The following CCSER1 variants were observed in gnomAD, a reference collection of about 807,000 sequenced individuals.
CCSER1 encodes serine-rich coiled-coil domain-containing protein 1.
CCSER1 carries 41 observed loss-of-function variants against 82.0 expected under a neutral mutation model. That is an observed-to-expected ratio of 0.50 (90% CI 0.39 to 0.65). The LOEUF is 0.65. CCSER1 is among the 30% of genes least tolerant of loss of function. The probability of loss-of-function intolerance (pLI) is 0.00; values close to 1 mark genes in which losing one functional copy is unlikely to be tolerated. For synonymous variants in CCSER1, 414 were observed against 383.9 expected (o/e 1.08, Z -0.92); for missense variants, 1,119 against 1,064.2 (o/e 1.05, Z -0.72).
At chr4:91,425,822 T>C (rs906344804) in intron 10 of CCSER1, among the ~76,000 whole-genome samples, 6 of 152,230 alleles carry the variant, frequency 3.9e-5, no homozygotes, top group Admixed American at 6.5e-5. Flanking sequence ...ATTATGTTTA[T>C]AGTTAACAAC....
chr4:90,634,842 T>C lies in CCSER1; in HGVS notation c.1932+6610T>C, dbSNP rs180763127. On this transcript the variant is annotated intron_variant, in intron 6 of 10. Coordinates refer to ENST00000509176, the MANE Select transcript of CCSER1 (RefSeq NM_001145065.2). ...GCTACCTTCTTTATGTTTATTTATT[T>C]ATTTTTGCTGGTCCAGAAATATGTT... 1.2e-4 allele frequency among the ~76,000 whole-genome samples: 18 copies of C among 152,004 alleles called. No individual in the cohort carries two copies. In the East Asian group the frequency reaches 1.7e-3, roughly 15 times the overall value.
intron 6 of CCSER1, among the ~76,000 whole-genome samples, chr4:90,715,903 T>C (rs1741551299): frequency 6.6e-6 from 1 of 151,956 alleles, no homozygotes; most frequent in Non-Finnish European, 1.5e-5. Flanking sequence ...TCACTTCAGC[T>C]CTGTTTGTAA....
At chr4:90,196,845 C>A (rs1736721397) in intron 1 of CCSER1, among the ~76,000 whole-genome samples, 1 of 152,048 alleles carries the variant, frequency 6.6e-6, no homozygotes, top group African/African-American at 2.4e-5. Flanking sequence ...TTGCTACTCT[C>A]CCGAACAGAT....
chr4:91,196,255 A>G (rs1482379852), intron 10 of CCSER1, among the ~76,000 whole-genome samples: 2 of 152,150 alleles, frequency 1.3e-5, no homozygotes, highest in Non-Finnish European at 2.9e-5. Context: ...TTCTAGCCCA[A>G]GAAGGTCAAT....
chr4:90,331,981 C>T (rs1384592900), intron 3 of CCSER1, among the ~76,000 whole-genome samples: 1 of 151,934 alleles, frequency 6.6e-6, no homozygotes, highest in Non-Finnish European at 1.5e-5. Context: ...CCCTCTGTCC[C>T]CTTTTTCTGC....
At chr4:90,405,254 A>G (rs112262197) in intron 4 of CCSER1, among the ~76,000 whole-genome samples, 3,820 of 152,120 alleles carry the variant, frequency 0.025, 49 homozygotes, top group African/African-American at 0.03. Flanking sequence ...CAAGCAGAAG[A>G]AAGAACTTCA....
At chr4:91,451,466 A>G (rs534638676) in intron 10 of CCSER1, among the ~76,000 whole-genome samples, 5 of 152,034 alleles carry the variant, frequency 3.3e-5, no homozygotes, top group African/African-American at 4.8e-5. Context: ...AAAGTCCAGC[A>G]CCCAGACACA....
intron 10 of CCSER1, among the ~76,000 whole-genome samples, chr4:91,386,470 A>T (rs1327840439): frequency 6.6e-6 from 1 of 152,078 alleles, no homozygotes; most frequent in Admixed American, 6.6e-5. Context: ...TTATAGTAGA[A>T]TATCAATTGA....
At chr4:91,578,595 C>T (rs959913970) in intron 10 of CCSER1, among the ~76,000 whole-genome samples, 4 of 151,848 alleles carry the variant, frequency 2.6e-5, no homozygotes, top group Non-Finnish European at 4.4e-5. Context: ...TAGGTTATAA[C>T]ATAAATTTAA....
intron 10 of CCSER1, among the ~76,000 whole-genome samples, chr4:91,480,901 T>G (rs1757870438): frequency 6.6e-6 from 1 of 152,192 alleles, no homozygotes; most frequent in South Asian, 2.1e-4. Context: ...ATTGTTCTAC[T>G]GGGAGTACAT....
At chr4:90,258,820 G>C (rs963452937) in intron 1 of CCSER1, among the ~76,000 whole-genome samples, 1 of 152,208 alleles carries the variant, frequency 6.6e-6, no homozygotes. Flanking sequence ...AGTGTACACT[G>C]TATCAAATAT....
chr4:90,647,626 T>G (rs1284481520), intron 6 of CCSER1, among the ~76,000 whole-genome samples: 1 of 152,110 alleles, frequency 6.6e-6, no homozygotes, highest in African/African-American at 2.4e-5. Context: ...TAAAAACTAT[T>G]TTTGACAATT....
intron 10 of CCSER1, among the ~76,000 whole-genome samples, chr4:91,107,279 G>A (rs1041773089): frequency 6.6e-6 from 1 of 152,110 alleles, no homozygotes; most frequent in African/African-American, 2.4e-5. Context: ...ATTTGAGACA[G>A]AGCCCCGCTC....
chr4:90,706,434 A>T (rs1739359001), intron 6 of CCSER1, among the ~76,000 whole-genome samples: 1 of 152,130 alleles, frequency 6.6e-6, no homozygotes. Flanking sequence ...TGACAGTGAG[A>T]CCCTGTCTCT....
At chr4:90,673,708 A>T (rs1733245131) in intron 6 of CCSER1, among the ~76,000 whole-genome samples, 1 of 152,026 alleles carries the variant, frequency 6.6e-6, no homozygotes, top group African/African-American at 2.4e-5. Context: ...AATGTGGTGA[A>T]CATCATAGGC....
chr4:91,067,264 G>A (rs1461878031), intron 9 of CCSER1, among the ~76,000 whole-genome samples: 1 of 151,888 alleles, frequency 6.6e-6, no homozygotes, highest in Non-Finnish European at 1.5e-5. Flanking sequence ...TGGTGGATTG[G>A]TAAAATGACT....
intron 10 of CCSER1, among the ~76,000 whole-genome samples, chr4:91,571,140 G>A (rs1406140732): frequency 2.0e-5 from 3 of 152,140 alleles, no homozygotes; most frequent in Non-Finnish European, 4.4e-5. Flanking sequence ...ATCACCATCA[G>A]CATTTTGGCC....
chr4:90,964,142 A>G (rs1305408815), intron 9 of CCSER1, among the ~76,000 whole-genome samples: 1 of 152,190 alleles, frequency 6.6e-6, no homozygotes, highest in Admixed American at 6.5e-5. Context: ...TTCTTCTTTT[A>G]GAAATTATTT....
intron 3 of CCSER1, among the ~76,000 whole-genome samples, chr4:90,327,242 C>A (rs1293478084): frequency 6.6e-6 from 1 of 152,138 alleles, no homozygotes; most frequent in African/African-American, 2.4e-5. Flanking sequence ...TCTATTCTTG[C>A]AATCCCCCTC....
Sources: allele counts gnomAD v4.1 joint callset (sites outside exome capture counted in the v4.1 genomes callset), GRCh38; gene constraint gnomAD v4.1.1; transcripts MANE v1.5; gene names NCBI Gene and HGNC (gene_info 2026-07-23, HGNC 2026-07-21).